OGG1: variants seen among roughly 807,000 people sequenced by gnomAD.
OGG1 encodes N-glycosylase/DNA lyase.
Under a neutral mutation model 42.3 loss-of-function variants are expected in OGG1, and 35 were observed. That is an observed-to-expected ratio of 0.83 (90% CI 0.63 to 1.10). OGG1 has a LOEUF of 1.10. OGG1 is among the 50% of genes least tolerant of loss of function. The pLI, the probability that OGG1 is intolerant of heterozygous loss-of-function variation, is 0.00. For missense variants in OGG1, 484 were observed against 446.7 expected, an observed-to-expected ratio of 1.08 and a Z score of -0.75; for synonymous variants, 189 against 179.0, an observed-to-expected ratio of 1.06 and a Z score of -0.44.
intron 2 of OGG1, among the ~76,000 whole-genome samples, chr3:9,751,536 A>G (rs1221046154): frequency 6.6e-6 from 1 of 152,208 alleles, no homozygotes; most frequent in African/African-American, 2.4e-5. Context: ...CCCAAATGCC[A>G]GTCCTCATGG....
intron 3 of OGG1, chr3:9,783,833 G>A (rs2078539581): frequency 1.0e-6 from 1 of 992,742 alleles, no homozygotes; most frequent in Non-Finnish European, 1.4e-6. Flanking sequence ...AGATGCCTGA[G>A]CCCCACTCTG....
Position 9,750,276 on chromosome 3 carries a change from C to T in OGG1, c.-11C>T, listed in dbSNP as rs776551693. 14 of 1,607,964 alleles carry T rather than the reference C, an allele frequency of 8.7e-6. No individual in the cohort carries two copies. Among genetic ancestry groups the T allele is most frequent in the Non-Finnish European group, 1.2e-5 (14 of 1,176,808 alleles). ...AGGCGGGGCTACTACGGGGCGGTGC[C>T]TGCTGTGGAAATGCCTGCCCGCGCG... is the stretch of plus-strand genomic sequence containing the variant. On this transcript the variant is annotated 5_prime_UTR_variant, in exon 1 of 7. Transcript: ENST00000344629.
downstream of OGG1, among the ~76,000 whole-genome samples, chr3:9,768,357 C>T (rs1210517831): frequency 6.6e-6 from 1 of 152,244 alleles, no homozygotes; most frequent in Admixed American, 6.5e-5. Context: ...CAGACCTCTC[C>T]CTCCTGACTC....
At chr3:9,781,595 C>T in exon 3 of OGG1, 1 of 456,296 alleles carries the variant, frequency 2.2e-6, no homozygotes, top group Non-Finnish European at 4.4e-6. Context: ...CTGAGGCTGA[C>T]AGGAGGTGGG....
chr3:9,783,482 A>T (rs1215387887), intron 3 of OGG1: 2 of 152,110 alleles, frequency 1.3e-5, no homozygotes, highest in Non-Finnish European at 2.9e-5. Flanking sequence ...TACCATAATT[A>T]AAAAACCAAA....
intron 3 of OGG1, among the ~76,000 whole-genome samples, chr3:9,785,942 G>T (rs947873201): frequency 3.7e-4 from 54 of 144,106 alleles, no homozygotes; most frequent in South Asian, 6.6e-4. Flanking sequence ...GTTTTGTTTT[G>T]TTTTTTTTTT....
chr3:9,787,199 C>T (rs984407164), intron 3 of OGG1: 1 of 1,614,048 alleles, frequency 6.2e-7, no homozygotes, highest in African/African-American at 1.3e-5. Flanking sequence ...AGAGGCCTAC[C>T]TTTAGTGTCC....
chr3:9,750,635 A>T, intron 1 of OGG1: 4 of 734,086 alleles, frequency 5.4e-6, no homozygotes. Context: ...GCAGAAGATA[A>T]TAGCACTTGT....
chr3:9,776,156 C>G (rs2078360334), intron 2 of OGG1, among the ~76,000 whole-genome samples: 1 of 152,116 alleles, frequency 6.6e-6, no homozygotes, highest in Non-Finnish European at 1.5e-5. Context: ...TTCCTTTCCC[C>G]TCCACACACC....
intron 2 of OGG1, among the ~76,000 whole-genome samples, chr3:9,776,385 T>C (rs1350536929): frequency 2.1e-5 from 3 of 142,180 alleles, no homozygotes; most frequent in South Asian, 4.4e-4. Flanking sequence ...TCTTTTTTCT[T>C]TTCTTTTTTT....
chr3:9,786,507 C>A (rs2078615639), intron 3 of OGG1, among the ~76,000 whole-genome samples: 1 of 151,810 alleles, frequency 6.6e-6, no homozygotes, highest in Admixed American at 6.6e-5. Context: ...AAAGACAGGG[C>A]CCCTGAAGCT....
At chr3:9,781,770 A>G (rs1355312409) in intron 3 of OGG1, among the ~76,000 whole-genome samples, 1 of 151,392 alleles carries the variant, frequency 6.6e-6, no homozygotes, top group East Asian at 1.9e-4. Context: ...GCTCTGCAGC[A>G]GGGTAAGGGC....
chr3:9,750,176 T>C lies in OGG1; in HGVS notation c.-111T>C. 2 of 1,349,178 alleles carry C rather than the reference T, an allele frequency of 1.5e-6. No individual in the cohort carries two copies. The highest frequency in any genetic ancestry group is 1.3e-5 in the South Asian group (1 of 74,076). The allele number at this position is 1,349,178 out of a possible 1,614,324, so 83.6% of individuals were successfully genotyped here. A position where few individuals can be genotyped will look rare whatever the true frequency, so the allele number is the denominator to read the frequency against. Reference sequence around the variant, plus strand: ...CAGGGAAGGTTGTTAAACAGCACCGTGTGGGCGAGGCCTTAAGGGTCGTGG... The same window carrying C: ...CAGGGAAGGTTGTTAAACAGCACCGCGTGGGCGAGGCCTTAAGGGTCGTGG... On this transcript the variant is annotated 5_prime_UTR_variant, in exon 1 of 7. Coordinates refer to ENST00000344629, the MANE Select transcript of OGG1 (RefSeq NM_002542.6).
At chr3:9,763,198 G>A (rs2077972856) in intron 7 of OGG1, 1 of 1,613,962 alleles carries the variant, frequency 6.2e-7, no homozygotes, top group East Asian at 2.2e-5. Context: ...GGGCTACAAT[G>A]TTGGGGTGCT....
downstream of OGG1, chr3:9,789,774 A>G: frequency 6.2e-7 from 1 of 1,614,192 alleles, no homozygotes; most frequent in Non-Finnish European, 8.5e-7. Flanking sequence ...GTGAATTCAT[A>G]TTCCTGGATC....
intron 4 of OGG1, among the ~76,000 whole-genome samples, chr3:9,755,550 G>A (rs891140695): frequency 3.4e-5 from 5 of 146,566 alleles, no homozygotes; most frequent in African/African-American, 1.0e-4. Flanking sequence ...TGCAACCTCC[G>A]CCTCCCGGCT....
chr3:9,763,049 C>T (rs1237969848), intron 7 of OGG1: 1 of 1,614,134 alleles, frequency 6.2e-7, no homozygotes, highest in African/African-American at 1.3e-5. Context: ...CCCCACCCGA[C>T]ACCCTGCAGC....
chr3:9,751,116 T>A lies in OGG1; in HGVS notation c.309T>A (p.Asp103Glu), dbSNP rs756489132. The A allele has an allele frequency of 1.2e-5, 20 of 1,614,046 alleles. No homozygotes were observed. The African/African-American group carries it at 2.7e-4, about 22-fold the overall frequency. ...CCGTGCGCAAGTACTTCCAGCTAGA[T>A]GTTACCCTGGCTCAACTGTATCACC... ...LEAVRKYFQL[D>E]VTLAQLYHHW... Residue 103 changes from aspartate (D) to glutamate (E), a missense_variant, in exon 2 of 7, where the codon GAT becomes GAA. Asp to Glu is a conservative substitution (Grantham distance 45). Coordinates refer to ENST00000344629, the MANE Select transcript of OGG1 (RefSeq NM_002542.6).
At chr3:9,752,857 C>T (rs1369539055) in intron 3 of OGG1, among the ~76,000 whole-genome samples, 1 of 151,502 alleles carries the variant, frequency 6.6e-6, no homozygotes, top group Non-Finnish European at 1.5e-5. Flanking sequence ...TCAAGACCAG[C>T]CTGGCCAACA....
Sources: allele counts gnomAD v4.1 joint callset (sites outside exome capture counted in the v4.1 genomes callset), GRCh38; gene constraint gnomAD v4.1.1; transcripts MANE v1.5; gene names NCBI Gene and HGNC (gene_info 2026-07-23, HGNC 2026-07-21).